Variants in TTC39B observed in about 807,000 individuals in gnomAD.
TTC39B encodes tetratricopeptide repeat domain 39B.
Under a neutral mutation model 96.6 loss-of-function variants are expected in TTC39B, and 92 were observed. The observed-to-expected ratio is 0.95, with a 90% confidence interval of 0.80 to 1.13. The LOEUF (loss-of-function observed/expected upper bound fraction) is 1.13, where lower values mean the gene tolerates loss of function less well. Ranked by LOEUF, TTC39B falls within the 50% of genes most tolerant of loss-of-function variation. TTC39B has a pLI of 0.00. For synonymous variants in TTC39B, 367 were observed against 299.4 expected (o/e 1.23, Z -2.33); for missense variants, 955 against 809.3 (o/e 1.18, Z -2.18).
At chr9:15,290,172 T>G (rs899226771) in intron 1 of TTC39B, among the ~76,000 whole-genome samples, 1 of 152,232 alleles carries the variant, frequency 6.6e-6, no homozygotes, top group South Asian at 2.1e-4. Flanking sequence ...GAAATCCTTA[T>G]AGGATGATAG....
At chr9:15,249,791 G>T in intron 2 of TTC39B, 1 of 707,702 alleles carries the variant, frequency 1.4e-6, no homozygotes, top group Non-Finnish European at 1.9e-6. Context: ...AAAACTGCAG[G>T]TTCCAGTGAA....
At chr9:15,282,545 G>C (rs1380729603) in intron 1 of TTC39B, among the ~76,000 whole-genome samples, 2 of 152,102 alleles carry the variant, frequency 1.3e-5, no homozygotes, top group African/African-American at 4.8e-5. Flanking sequence ...AAAGAATTTG[G>C]GAAAAATAAA....
intron 1 of TTC39B, among the ~76,000 whole-genome samples, chr9:15,285,271 A>AT (rs1823924253): frequency 7.0e-6 from 1 of 141,900 alleles, no homozygotes; most frequent in Non-Finnish European, 1.6e-5. Flanking sequence ...TCCGTCTCAA[A>AT]AAGAAAAAAA....
chr9:15,199,087 T>A (rs10733291), intron 8 of TTC39B, among the ~76,000 whole-genome samples: 5 of 152,040 alleles, frequency 3.3e-5, no homozygotes, highest in South Asian at 2.1e-4. Flanking sequence ...AAGGGATGAC[T>A]CCAGATTCAA....
At chr9:15,234,243 C>A (rs1230628761) in intron 2 of TTC39B, among the ~76,000 whole-genome samples, 5 of 151,782 alleles carry the variant, frequency 3.3e-5, no homozygotes, top group Admixed American at 6.5e-5. Context: ...CCGGCAGCCA[C>A]CCCGTCCGGG....
chr9:15,237,366 C>T (rs150682298), intron 2 of TTC39B, among the ~76,000 whole-genome samples: 3 of 151,846 alleles, frequency 2.0e-5, no homozygotes, highest in Non-Finnish European at 2.9e-5. Context: ...AAAGGATAAA[C>T]CAATTGGCAG....
intron 8 of TTC39B, among the ~76,000 whole-genome samples, chr9:15,196,403 C>T (rs963623633): frequency 5.9e-5 from 9 of 152,194 alleles, no homozygotes; most frequent in African/African-American, 1.7e-4. Context: ...AGAGAACATT[C>T]GTGATTCATG....
At chr9:15,293,157 T>C (rs1251003543) in intron 1 of TTC39B, among the ~76,000 whole-genome samples, 1 of 152,206 alleles carries the variant, frequency 6.6e-6, no homozygotes, top group Non-Finnish European at 1.5e-5. Flanking sequence ...CATTGTGTTA[T>C]AATGGCCTAC....
chr9:15,299,175 T>C (rs1824489509), intron 1 of TTC39B, among the ~76,000 whole-genome samples: 1 of 152,130 alleles, frequency 6.6e-6, no homozygotes, highest in Non-Finnish European at 1.5e-5. Context: ...ACTCAACACA[T>C]TAAGTCAGAC....
At chr9:15,252,632 G>A (rs533960322) in intron 2 of TTC39B, among the ~76,000 whole-genome samples, 1 of 151,818 alleles carries the variant, frequency 6.6e-6, no homozygotes, top group East Asian at 1.9e-4. Context: ...TGGGCAACAA[G>A]AGTGAAACTC....
At position 15,175,664 on chromosome 9, in the gene TTC39B, G is replaced by A. The variant is rs551576142; in HGVS notation, c.1842-529C>T. 7.9e-5 allele frequency among the ~76,000 whole-genome samples: 12 copies of A among 152,246 alleles called. No individual in the cohort carries two copies. The East Asian group carries it at 9.7e-4, about 12-fold the overall frequency. On this transcript the variant is annotated intron_variant, in intron 18 of 19. Coordinates refer to ENST00000512701, the Ensembl canonical transcript of TTC39B. ...CAACTAACACCATTTCAAATGCATA[G>A]CTTAGCTCACCAGAACATAAGAAAA...
exon 20 of TTC39B, chr9:15,169,301 C>A (rs562062700): frequency 2.0e-5 from 3 of 152,270 alleles, no homozygotes; most frequent in Admixed American, 6.5e-5. Flanking sequence ...AAAACATTAA[C>A]ATATATGTCC....
exon 20 of TTC39B, chr9:15,171,838 T>C (rs1197691562): frequency 2.4e-5 from 10 of 416,268 alleles, no homozygotes; most frequent in Non-Finnish European, 3.9e-5. Context: ...TAGAATGCCA[T>C]TCCATAGGAA....
chr9:15,188,439 C>T (rs118161206), intron 13 of TTC39B, among the ~76,000 whole-genome samples: 2 of 152,060 alleles, frequency 1.3e-5, no homozygotes, highest in African/African-American at 4.8e-5. Flanking sequence ...TTCCATAGGA[C>T]AAAACACTGT....
intron 2 of TTC39B, among the ~76,000 whole-genome samples, chr9:15,241,350 C>T (rs1349956987): frequency 2.0e-5 from 3 of 151,136 alleles, no homozygotes; most frequent in Non-Finnish European, 4.4e-5. Flanking sequence ...AGTGAATGAA[C>T]CATAATTTAA....
At chr9:15,191,737 T>A (rs569015978) in intron 9 of TTC39B, among the ~76,000 whole-genome samples, 1 of 152,318 alleles carries the variant, frequency 6.6e-6, no homozygotes, top group East Asian at 1.9e-4. Context: ...GCAGTGCACC[T>A]GGTTATGCAC....
At chr9:15,261,025 A>G (rs1273030595) in intron 2 of TTC39B, among the ~76,000 whole-genome samples, 1 of 152,222 alleles carries the variant, frequency 6.6e-6, no homozygotes, top group African/African-American at 2.4e-5. Flanking sequence ...TTAAACCTGC[A>G]TCTGTTCTAA....
At chr9:15,207,404 T>C (rs1819925879) in intron 6 of TTC39B, among the ~76,000 whole-genome samples, 1 of 152,226 alleles carries the variant, frequency 6.6e-6, no homozygotes, top group South Asian at 2.1e-4. Flanking sequence ...GTATCATCTA[T>C]TTTCAAGATG....
At position 15,167,028 on chromosome 9, in the gene TTC39B, A is replaced by ATTTT. The variant is rs549150155; in HGVS notation, c.*4987_*4990dup. 17 of 11,034 alleles carry ATTTT rather than the reference A, an allele frequency of 1.5e-3. 4 individuals carry two copies. The highest frequency in any genetic ancestry group is 0.013 in the East Asian group (2 of 158). 0.7% of individuals were successfully genotyped at this position (11,034 alleles called of 1,614,324 possible). The stretch of plus-strand genomic sequence containing the variant: ...TATATATATATATATATATATATAT[A>ATTTT]TTTTTTTTTTTTTTTTTTTTTTTTT... On this transcript the variant is annotated 3_prime_UTR_variant, in exon 20 of 20. Transcript: ENST00000512701.
Sources: gnomAD v4.1 joint callset for allele counts (sites outside exome capture counted in the v4.1 genomes callset) on GRCh38, gnomAD v4.1.1 for gene constraint, MANE v1.5 for transcripts, NCBI Gene and HGNC (gene_info 2026-07-23, HGNC 2026-07-21) for gene names.